Variants in ANKS1B observed in about 807,000 individuals in gnomAD.
ANKS1B encodes the protein ankyrin repeat and sterile alpha motif domain containing 1B.
ANKS1B carries 36 observed loss-of-function variants against 148.3 expected under a neutral mutation model. That is an observed-to-expected ratio of 0.24 (90% confidence interval 0.19 to 0.32). The LOEUF is 0.32. Ranked by LOEUF, ANKS1B falls within the 10% of genes least tolerant of loss-of-function variation. The pLI, the probability that ANKS1B is intolerant of heterozygous loss-of-function variation, is 1.00. For missense variants in ANKS1B, 1,157 were observed against 1,542.6 expected, an observed-to-expected ratio of 0.75 and a Z score of 4.19; for synonymous variants, 542 against 560.8, an observed-to-expected ratio of 0.97 and a Z score of 0.47.
chr12:99,327,881 T>C (rs1227089699), intron 12 of ANKS1B, among the ~76,000 whole-genome samples: 1 of 151,904 alleles, frequency 6.6e-6, no homozygotes, highest in Non-Finnish European at 1.5e-5. Flanking sequence ...TATATGCATG[T>C]ACTAGTATTC....
At chr12:99,562,681 A>G (rs1305831623) in intron 9 of ANKS1B, among the ~76,000 whole-genome samples, 1 of 152,204 alleles carries the variant, frequency 6.6e-6, no homozygotes, top group African/African-American at 2.4e-5. Context: ...GCAAAGTGGG[A>G]AAAGCCTCTT....
chr12:99,926,238 T>C (rs1163724140), intron 1 of ANKS1B, among the ~76,000 whole-genome samples: 1 of 152,204 alleles, frequency 6.6e-6, no homozygotes, highest in African/African-American at 2.4e-5. Context: ...GTACAAAACA[T>C]ACTCCAACCC....
At chr12:99,485,236 CT>C (rs1488382982) in intron 10 of ANKS1B, among the ~76,000 whole-genome samples, 1 of 152,008 alleles carries the variant, frequency 6.6e-6, no homozygotes, top group Non-Finnish European at 1.5e-5. Context: ...CAAGATCTGT[CT>C]GAAAATCACT....
chr12:99,159,511 G>C (rs75853854), intron 14 of ANKS1B, among the ~76,000 whole-genome samples: 3,506 of 152,150 alleles, frequency 0.023, 119 homozygotes, highest in African/African-American at 0.074. Flanking sequence ...AATTTCCTTA[G>C]AATAATGGTC....
intron 8 of ANKS1B, among the ~76,000 whole-genome samples, chr12:99,730,083 G>A (rs945404780): frequency 3.9e-5 from 6 of 152,158 alleles, no homozygotes; most frequent in Admixed American, 1.3e-4. Context: ...CTCTGACCAC[G>A]TCCAACTGTT....
intron 17 of ANKS1B, among the ~76,000 whole-genome samples, chr12:99,001,033 T>C (rs1408029012): frequency 1.3e-5 from 2 of 152,136 alleles, no homozygotes; most frequent in Non-Finnish European, 2.9e-5. Context: ...TACGTATTCA[T>C]CCATTGATGA....
At chr12:98,745,953 G>A (rs1219739706) in intron 26 of ANKS1B, 104 bp from the exon 27 acceptor site, 2 of 1,271,152 alleles carry the variant, frequency 1.6e-6, no homozygotes, top group African/African-American at 3.1e-5. Context: ...CGCCCCAGGC[G>A]CGGGGCGGCG....
intron 9 of ANKS1B, among the ~76,000 whole-genome samples, chr12:99,620,056 C>T (rs1348336377): frequency 2.6e-5 from 4 of 152,130 alleles, no homozygotes; most frequent in Non-Finnish European, 1.5e-5. Context: ...TACCTATAAG[C>T]GCCATCTACT....
At chr12:99,097,142 A>G (rs1041756063) in intron 15 of ANKS1B, 1 of 152,214 alleles carries the variant, frequency 6.6e-6, no homozygotes, top group Non-Finnish European at 1.5e-5. Context: ...TGAGTTTTTT[A>G]GATTTATTAA....
rs534017685 is a variant in ANKS1B at position 98,801,282 on chromosome 12, T to A, written c.3142-157A>T. On this transcript the variant is annotated intron_variant, in intron 20 of 26. Coordinates refer to ENST00000683438, the MANE Select transcript of ANKS1B (RefSeq NM_001352186.2). The surrounding 1 kb of genome is among the most constrained non-coding windows in gnomAD (Gnocchi z 5.2). Reference sequence around the variant, plus strand: ...TAAATACTTGGTTATTACATTTTTATATGTATTAGCATATCTCTCAAGGCT... The same window carrying A: ...TAAATACTTGGTTATTACATTTTTAAATGTATTAGCATATCTCTCAAGGCT... Among the ~76,000 whole-genome samples the A allele has an allele frequency of 1.2e-3, 190 of 152,356 alleles. 2 individuals are homozygous for A. The highest frequency in any genetic ancestry group is 0.01 in the Middle Eastern group (3 of 294).
intron 17 of ANKS1B, among the ~76,000 whole-genome samples, chr12:98,993,920 C>T (rs183855809): frequency 6.6e-5 from 10 of 152,130 alleles, no homozygotes; most frequent in East Asian, 5.8e-4. Context: ...CAGTCCTATT[C>T]GTAGGAATAT....
chr12:99,109,310 C>CA (rs2059830287), intron 15 of ANKS1B, among the ~76,000 whole-genome samples: 1 of 152,156 alleles, frequency 6.6e-6, no homozygotes. Context: ...GTTACCTTGC[C>CA]TATTACATAT....
At chr12:99,558,441 CA>C (rs2097300576) in intron 9 of ANKS1B, among the ~76,000 whole-genome samples, 2 of 152,026 alleles carry the variant, frequency 1.3e-5, no homozygotes. Context: ...ACCAGTAAAG[CA>C]ATGTGTGTGT....
intron 9 of ANKS1B, among the ~76,000 whole-genome samples, chr12:99,597,434 A>G (rs2097767596): frequency 6.6e-6 from 1 of 152,034 alleles, no homozygotes; most frequent in South Asian, 2.1e-4. Context: ...CAAGCCATCA[A>G]CCTGTGAAGT....
intron 11 of ANKS1B, among the ~76,000 whole-genome samples, chr12:99,413,301 C>T (rs12424548): frequency 0.27 from 40,414 of 151,950 alleles, 5,561 homozygotes; most frequent in East Asian, 0.43. Context: ...TAAAATTAAG[C>T]GGGAGAGATG....
rs543049860 is a variant in ANKS1B at position 99,817,797 on chromosome 12, T to C, written c.216-5486A>G. Among the ~76,000 whole-genome samples, 4 of 151,966 alleles carry C rather than the reference T, an allele frequency of 2.6e-5. No individual in the cohort carries two copies. In the South Asian group the frequency reaches 8.3e-4, roughly 32 times the overall value. On this transcript the variant is annotated intron_variant, in intron 2 of 26. Transcript: ENST00000683438. ...ATTTTTTCATATGCCTGTTGGTCAT[T>C]TGTAAGTCTTCTTTCGAGAAATGTC...
At position 99,601,885 on chromosome 12, in the gene ANKS1B, A is replaced by G. The variant is rs143583206; in HGVS notation, c.1272+53182T>C. On this transcript the variant is annotated intron_variant, in intron 9 of 26. Transcript: ENST00000683438. ...TGTATAGCAGTTCTTGGTCCTAGGT[A>G]TAGGTCCGGACCCCTTCTGAAATGA... is the stretch of plus-strand genomic sequence containing the variant. Among the ~76,000 whole-genome samples, 1,314 of 152,094 alleles carry G rather than the reference A, an allele frequency of 8.6e-3. 26 individuals carry two copies. The highest frequency in any genetic ancestry group is 0.03 in the African/African-American group (1,255 of 41,536).
intron 9 of ANKS1B, among the ~76,000 whole-genome samples, chr12:99,593,890 TCA>T (rs1255813057): frequency 6.6e-6 from 1 of 152,082 alleles, no homozygotes; most frequent in Non-Finnish European, 1.5e-5. Flanking sequence ...TTAGTCTTTT[TCA>T]GTTTACAAAG....
intron 9 of ANKS1B, among the ~76,000 whole-genome samples, chr12:99,607,476 C>T (rs1431087388): frequency 6.6e-6 from 1 of 151,834 alleles, no homozygotes; most frequent in Non-Finnish European, 1.5e-5. Context: ...CCTTAAACAC[C>T]TAGCAGAGGT....
Sources: gnomAD v4.1 joint callset for allele counts (sites outside exome capture counted in the v4.1 genomes callset) on GRCh38, gnomAD v4.1.1 for gene constraint, Gnocchi (gnomAD v3.1) non-coding constraint, MANE v1.5 for transcripts, NCBI Gene and HGNC (gene_info 2026-07-23, HGNC 2026-07-21) for gene names.